GABRR3: variants seen among roughly 807,000 people sequenced by gnomAD.
The protein encoded by GABRR3 is gamma-aminobutyric acid type A receptor subunit rho3, also known as gamma-aminobutyric acid receptor subunit rho-3.
A neutral mutation model predicts 43.2 loss-of-function variants in GABRR3; 29 were observed. The ratio of observed to expected loss-of-function variants is 0.67; its 90% CI spans 0.50 to 0.92. The LOEUF is 0.92. Among genes scored for constraint, GABRR3 ranks in the 40% least tolerant of loss-of-function variants. GABRR3 has a pLI of 0.00. For synonymous variants in GABRR3, 206 were observed against 195.9 expected, an observed-to-expected ratio of 1.05 and a Z score of -0.43; for missense variants, 576 against 572.3, an observed-to-expected ratio of 1.01 and a Z score of -0.07.
At chr3:98,026,126 G>C (rs1381348530) in intron 2 of GABRR3, among the ~76,000 whole-genome samples, 2 of 152,140 alleles carry the variant, frequency 1.3e-5, no homozygotes, top group African/African-American at 2.4e-5. Flanking sequence ...ATCTCTGCAC[G>C]AAGACAGCGA....
intron 5 of GABRR3, among the ~76,000 whole-genome samples, chr3:98,011,198 T>A (rs536938248): frequency 1.3e-5 from 2 of 152,356 alleles, no homozygotes; most frequent in African/African-American, 4.8e-5. Context: ...GCAACAGCTC[T>A]GTGCCGAAGT....
At chr3:97,994,918 C>G (rs143614102) in intron 8 of GABRR3, among the ~76,000 whole-genome samples, 22 of 152,290 alleles carry the variant, frequency 1.4e-4, no homozygotes, top group Admixed American at 3.9e-4. Context: ...CAAGATTTCA[C>G]TGGCAGGAAG....
At chr3:98,021,810 G>A (rs1706951263) in intron 3 of GABRR3, among the ~76,000 whole-genome samples, 1 of 152,104 alleles carries the variant, frequency 6.6e-6, no homozygotes, top group Admixed American at 6.6e-5. Context: ...TGGTTTTTAT[G>A]CAGGCTGGAA....
At chr3:98,006,110 G>A (rs1381261986) in intron 7 of GABRR3, among the ~76,000 whole-genome samples, 1 of 151,672 alleles carries the variant, frequency 6.6e-6, no homozygotes, top group Non-Finnish European at 1.5e-5. Context: ...GACAAACCGA[G>A]AAAAGGAGGA....
At chr3:98,009,564 C>A (rs1706762690) in intron 5 of GABRR3, among the ~76,000 whole-genome samples, 1 of 152,150 alleles carries the variant, frequency 6.6e-6, no homozygotes, top group African/African-American at 2.4e-5. Context: ...ATGCATAATT[C>A]AGGTACTATT....
chr3:98,020,527 A>G (rs1236130739), intron 3 of GABRR3, among the ~76,000 whole-genome samples: 2 of 151,290 alleles, frequency 1.3e-5, no homozygotes, highest in East Asian at 1.9e-4. Context: ...TTTTTAAATC[A>G]GAGAGCAACT....
chr3:98,032,204 G>T (rs1217719383), intron 2 of GABRR3, among the ~76,000 whole-genome samples: 1 of 152,140 alleles, frequency 6.6e-6, no homozygotes, highest in African/African-American at 2.4e-5. Context: ...AAAGTGTGGA[G>T]AAATCATTGG....
chr3:98,011,113 C>A (rs1259230908), intron 5 of GABRR3, among the ~76,000 whole-genome samples: 1 of 152,014 alleles, frequency 6.6e-6, no homozygotes, highest in African/African-American at 2.4e-5. Context: ...CCCAACCCCC[C>A]CAAAAAACCC....
chr3:98,002,330 A>G (rs1027090801), intron 7 of GABRR3, among the ~76,000 whole-genome samples: 2 of 152,176 alleles, frequency 1.3e-5, no homozygotes, highest in Non-Finnish European at 1.5e-5. Flanking sequence ...TCTGCAAAAA[A>G]GTAACCAACT....
At chr3:98,011,050 A>C (rs993639574) in intron 5 of GABRR3, among the ~76,000 whole-genome samples, 2 of 152,104 alleles carry the variant, frequency 1.3e-5, no homozygotes, top group African/African-American at 4.8e-5. Flanking sequence ...CAGTGAGCTG[A>C]GATTGTGCCA....
chr3:98,012,251 A>C (rs1706802397), intron 5 of GABRR3, 93 bp downstream of exon 5: 1 of 870,310 alleles, frequency 1.1e-6, no homozygotes, highest in African/African-American at 1.7e-5. Context: ...ACAGACAGCA[A>C]CATTGTGAGT....
At chr3:97,994,423 A>G (rs559810321) in intron 8 of GABRR3, among the ~76,000 whole-genome samples, 1 of 152,330 alleles carries the variant, frequency 6.6e-6, no homozygotes, top group Non-Finnish European at 1.5e-5. Flanking sequence ...GAACTCCAGA[A>G]TAAGAAACCT....
chr3:98,034,452 A>G (rs1448891393), intron 2 of GABRR3, among the ~76,000 whole-genome samples: 1 of 152,166 alleles, frequency 6.6e-6, no homozygotes, highest in Non-Finnish European at 1.5e-5. Context: ...AATCCATGAA[A>G]CTATATACCC....
chr3:97,992,433 T>C (rs960725791), intron 9 of GABRR3, among the ~76,000 whole-genome samples: 6 of 152,198 alleles, frequency 3.9e-5, no homozygotes, highest in African/African-American at 1.4e-4. Flanking sequence ...GGCGATAAAA[T>C]ACTGACCTTG....
At chr3:97,987,080 A>C in intron 9 of GABRR3, 98 bp from the exon 10 acceptor site, 1 of 866,322 alleles carries the variant, frequency 1.2e-6, no homozygotes, top group Admixed American at 3.2e-5. Flanking sequence ...GATTTATCAG[A>C]ACAGCAAGAT....
chr3:98,006,672 C>G (rs551602684), intron 7 of GABRR3, among the ~76,000 whole-genome samples: 225 of 152,324 alleles, frequency 1.5e-3, no homozygotes, highest in African/African-American at 5.2e-3. Flanking sequence ...CACTTTCTGG[C>G]TGGCCTAAGC....
intron 3 of GABRR3, among the ~76,000 whole-genome samples, chr3:98,022,210 G>A (rs1706957343): frequency 6.6e-6 from 1 of 152,212 alleles, no homozygotes; most frequent in Admixed American, 6.5e-5. Flanking sequence ...CCTTAGTTAT[G>A]GGAGACGTAA....
At chr3:98,002,853 A>G (rs918514382) in intron 7 of GABRR3, among the ~76,000 whole-genome samples, 5 of 152,200 alleles carry the variant, frequency 3.3e-5, no homozygotes, top group Non-Finnish European at 7.4e-5. Flanking sequence ...TAGTCTCAGC[A>G]GTAATTTCTT....
intron 8 of GABRR3, chr3:97,997,896 T>C (rs1706584193): frequency 6.6e-6 from 1 of 152,176 alleles, no homozygotes; most frequent in Non-Finnish European, 1.5e-5. Flanking sequence ...ACATGCACAA[T>C]ACTTACACAC....
Sources: gnomAD v4.1 joint callset for allele counts (sites outside exome capture counted in the v4.1 genomes callset) on GRCh38, gnomAD v4.1.1 for gene constraint, MANE v1.5 for transcripts, NCBI Gene and HGNC (gene_info 2026-07-23, HGNC 2026-07-21) for gene names.